The following SNTG1 variants were observed in gnomAD, a reference collection of about 807,000 sequenced individuals.
SNTG1 encodes the protein gamma-1-syntrophin.
SNTG1 carries 39 observed loss-of-function variants against 74.7 expected under a neutral mutation model. That is an observed-to-expected ratio of 0.52 (90% CI 0.40 to 0.68). The LOEUF (loss-of-function observed/expected upper bound fraction) is 0.68. SNTG1 is among the 30% of genes least tolerant of loss of function. SNTG1 has a pLI of 0.00. For missense variants in SNTG1, 685 were observed against 609.5 expected, an observed-to-expected ratio of 1.12 and a Z score of -1.30; for synonymous variants, 254 against 217.1, an observed-to-expected ratio of 1.17 and a Z score of -1.49.
chr8:50,741,491 A>G (rs2095543300), intron 17 of SNTG1, among the ~76,000 whole-genome samples: 1 of 152,096 alleles, frequency 6.6e-6, no homozygotes, highest in South Asian at 2.1e-4. Flanking sequence ...TCACATAACA[A>G]AACATACTGT....
At chr8:50,522,280 G>T (rs750006551) in intron 9 of SNTG1, among the ~76,000 whole-genome samples, 13 of 152,066 alleles carry the variant, frequency 8.5e-5, no homozygotes, top group Non-Finnish European at 1.6e-4. Context: ...GTGATTATTG[G>T]AAAGGAATGT....
chr8:50,219,598 A>G (rs895704519), intron 2 of SNTG1, among the ~76,000 whole-genome samples: 1 of 152,140 alleles, frequency 6.6e-6, no homozygotes, highest in South Asian at 2.1e-4. Flanking sequence ...GACATGTGCT[A>G]TATAGCTGGA....
intron 1 of SNTG1, among the ~76,000 whole-genome samples, chr8:50,147,720 C>T (rs1193553552): frequency 6.6e-6 from 1 of 152,128 alleles, no homozygotes; most frequent in Admixed American, 6.6e-5. Context: ...AATTCAATAA[C>T]AGATACAGAC....
chr8:50,718,299 G>C (rs940794014), intron 17 of SNTG1, among the ~76,000 whole-genome samples: 4 of 152,182 alleles, frequency 2.6e-5, no homozygotes, highest in Non-Finnish European at 5.9e-5. Context: ...GCACACAAAA[G>C]TAAAATAGTC....
chr8:49,933,866 T>C (rs1239423815), intron 1 of SNTG1, among the ~76,000 whole-genome samples: 3 of 152,160 alleles, frequency 2.0e-5, no homozygotes, highest in African/African-American at 7.2e-5. Context: ...GACTTGGTTG[T>C]GGAGGTTTGG....
intron 2 of SNTG1, among the ~76,000 whole-genome samples, chr8:50,209,606 A>G (rs1374593389): frequency 6.6e-6 from 1 of 152,200 alleles, no homozygotes; most frequent in East Asian, 1.9e-4. Flanking sequence ...ACCCAGGCAA[A>G]CAGAGTCTGG....
intron 1 of SNTG1, among the ~76,000 whole-genome samples, chr8:50,077,604 A>C (rs928055924): frequency 6.6e-6 from 1 of 152,190 alleles, no homozygotes; most frequent in Non-Finnish European, 1.5e-5. Context: ...AAATTCACCC[A>C]TTGCAACAGA....
chr8:50,391,207 T>C (rs917778640), intron 2 of SNTG1, among the ~76,000 whole-genome samples: 1 of 152,190 alleles, frequency 6.6e-6, no homozygotes, highest in Non-Finnish European at 1.5e-5. Flanking sequence ...GGCTGTGGTT[T>C]TGTCATACAT....
chr8:50,667,857 AT>A (rs2095258187), intron 15 of SNTG1, among the ~76,000 whole-genome samples: 1 of 152,080 alleles, frequency 6.6e-6, no homozygotes, highest in Admixed American at 6.6e-5. Context: ...TTATAATTAA[AT>A]TAGTATAAAA....
intron 2 of SNTG1, among the ~76,000 whole-genome samples, chr8:50,265,795 T>C (rs2087434221): frequency 6.6e-6 from 1 of 151,768 alleles, no homozygotes; most frequent in Admixed American, 6.6e-5. Flanking sequence ...TATAAAGTAG[T>C]GATGAAAAAC....
intron 2 of SNTG1, among the ~76,000 whole-genome samples, chr8:50,193,633 T>A (rs933205533): frequency 2.7e-4 from 41 of 152,114 alleles, no homozygotes; most frequent in African/African-American, 9.2e-4. Context: ...CAGTTTGACT[T>A]CCTCTTTGCC....
intron 2 of SNTG1, among the ~76,000 whole-genome samples, chr8:50,265,347 T>C (rs1406333262): frequency 6.6e-6 from 1 of 152,084 alleles, no homozygotes; most frequent in Non-Finnish European, 1.5e-5. Flanking sequence ...ATCTAATACA[T>C]CATATTATTG....
chr8:50,685,618 A>G (rs2095349220), intron 15 of SNTG1, among the ~76,000 whole-genome samples: 1 of 152,236 alleles, frequency 6.6e-6, no homozygotes, highest in South Asian at 2.1e-4. Context: ...AAAACATTTC[A>G]TAATATAAAT....
chr8:50,293,240 C>T (rs1586986582), intron 2 of SNTG1, among the ~76,000 whole-genome samples: 1 of 151,996 alleles, frequency 6.6e-6, no homozygotes, highest in African/African-American at 2.4e-5. Flanking sequence ...AGTCCAAGAC[C>T]AAAGTGTTGG....
At chr8:50,390,156 T>C (rs996936978) in intron 2 of SNTG1, among the ~76,000 whole-genome samples, 2 of 151,898 alleles carry the variant, frequency 1.3e-5, no homozygotes, top group African/African-American at 2.4e-5. Flanking sequence ...GAAGTCCTTG[T>C]CCATGCCTAT....
At chr8:50,461,156 G>GGTGTGTGTGTGTGTGTGT (rs71233496) in intron 8 of SNTG1, among the ~76,000 whole-genome samples, 1 of 124,088 alleles carries the variant, frequency 8.1e-6, no homozygotes, top group Non-Finnish European at 1.7e-5. Context: ...AGATTTTTCT[G>GGTGTGTGTGTGTGTGTGT]GTGTGTGTGT....
At chr8:50,208,787 A>T (rs914628703) in intron 2 of SNTG1, among the ~76,000 whole-genome samples, 1 of 152,032 alleles carries the variant, frequency 6.6e-6, no homozygotes, top group Non-Finnish European at 1.5e-5. Flanking sequence ...CATTTCCAAG[A>T]TGGCCAGATA....
chr8:50,185,615 CA>C (rs2083351233), intron 2 of SNTG1, among the ~76,000 whole-genome samples: 1 of 152,148 alleles, frequency 6.6e-6, no homozygotes, highest in Non-Finnish European at 1.5e-5. Context: ...TGCTTAAGGT[CA>C]TATTTATCAG....
chr8:50,695,053 G>A (rs908094764), intron 15 of SNTG1, among the ~76,000 whole-genome samples: 2 of 151,680 alleles, frequency 1.3e-5, no homozygotes, highest in South Asian at 2.1e-4. Flanking sequence ...ATCACCACTC[G>A]TATTCATTAT....
Sources: allele counts gnomAD v4.1 joint callset (sites outside exome capture counted in the v4.1 genomes callset), GRCh38; gene constraint gnomAD v4.1.1; transcripts MANE v1.5; gene names NCBI Gene and HGNC (gene_info 2026-07-23, HGNC 2026-07-21).